PRUNE2: variants seen among roughly 807,000 people sequenced by gnomAD.
The protein encoded by PRUNE2 is protein prune homolog 2.
PRUNE2 carries 164 observed loss-of-function variants against 252.0 expected under a neutral mutation model. The ratio of observed to expected loss-of-function variants is 0.65; its 90% CI spans 0.57 to 0.74. PRUNE2 has a LOEUF of 0.74. Ranked by LOEUF, PRUNE2 falls within the 30% of genes least tolerant of loss-of-function variation. The pLI is 0.00. For synonymous variants in PRUNE2, 1,292 were observed against 1,350.2 expected, an observed-to-expected ratio of 0.96 and a Z score of 0.94; for missense variants, 3,495 against 3,711.0, an observed-to-expected ratio of 0.94 and a Z score of 1.51.
At chr9:76,833,055 T>C (rs2058752404) in intron 4 of PRUNE2, among the ~76,000 whole-genome samples, 1 of 152,148 alleles carries the variant, frequency 6.6e-6, no homozygotes, top group South Asian at 2.1e-4. Context: ...ATTTAAGAAA[T>C]GTTAATTTTA....
At chr9:76,823,116 G>A (rs11145085) in intron 6 of PRUNE2, 51,265 of 152,130 alleles carry the variant, frequency 0.34, 8,727 homozygotes, top group Middle Eastern at 0.41. Context: ...AGTAGCATTC[G>A]CTCTGAGCCA....
At chr9:76,727,709 G>GATTT (rs1204168069) in intron 6 of PRUNE2, among the ~76,000 whole-genome samples, 1 of 72,068 alleles carries the variant, frequency 1.4e-5, no homozygotes, top group African/African-American at 4.7e-5. Context: ...GGTAAACAGG[G>GATTT]CTTTTTTTTT....
At chr9:76,828,716 T>C (rs2058488085) in intron 4 of PRUNE2, among the ~76,000 whole-genome samples, 1 of 152,178 alleles carries the variant, frequency 6.6e-6, no homozygotes, top group Non-Finnish European at 1.5e-5. Context: ...AAACTCATAC[T>C]ATAAAGATTA....
chr9:76,664,445 C>T (rs2039735481), intron 9 of PRUNE2, among the ~76,000 whole-genome samples: 1 of 152,220 alleles, frequency 6.6e-6, no homozygotes, highest in Non-Finnish European at 1.5e-5. Context: ...CTAATACACT[C>T]TTGAATTCCT....
At chr9:76,619,161 G>A (rs1040038590) in intron 18 of PRUNE2, among the ~76,000 whole-genome samples, 179 bp downstream of exon 18, 3 of 152,170 alleles carry the variant, frequency 2.0e-5, no homozygotes, top group Non-Finnish European at 2.9e-5. Flanking sequence ...AGGGGTGATC[G>A]TGAATGAAAT....
chr9:76,649,393 T>C (rs984561116), intron 11 of PRUNE2, among the ~76,000 whole-genome samples: 1 of 152,152 alleles, frequency 6.6e-6, no homozygotes, highest in Admixed American at 6.5e-5. Flanking sequence ...GAGACCAGCC[T>C]GGGAAACGTG....
intron 6 of PRUNE2, among the ~76,000 whole-genome samples, chr9:76,793,049 T>C (rs754101527): frequency 7.9e-5 from 12 of 152,238 alleles, no homozygotes; most frequent in Non-Finnish European, 1.3e-4. Context: ...AAAGTGCCAG[T>C]ATAAGGAATC....
chr9:76,829,705 C>G (rs938290336), intron 4 of PRUNE2, among the ~76,000 whole-genome samples: 2 of 151,640 alleles, frequency 1.3e-5, no homozygotes, highest in African/African-American at 4.8e-5. Context: ...TCCTGAGGAC[C>G]GAAATCCTGA....
intron 9 of PRUNE2, among the ~76,000 whole-genome samples, chr9:76,685,324 C>T (rs1358819430): frequency 6.6e-6 from 1 of 152,138 alleles, no homozygotes; most frequent in Non-Finnish European, 1.5e-5. Flanking sequence ...CACTGAAGTA[C>T]AATAAACGGT....
chr9:76,652,562 G>T lies in PRUNE2; in HGVS notation c.8478C>A (p.Asp2826Glu), dbSNP rs753193313. 3.1e-6 allele frequency: 5 copies of T among 1,613,186 alleles called. No individual in the cohort carries two copies. The highest frequency in any genetic ancestry group is 4.2e-6 in the Non-Finnish European group (5 of 1,179,244). The change falls in exon 11 of 19, where the codon GAC becomes GAA. Residue 2826 changes from aspartate to glutamate, a missense_variant. Physicochemically the swap from Asp to Glu is conservative, Grantham distance 45. Transcript: ENST00000376718. ...EGSILSDDNL[D>E]SPDEIDINVD... ...CATTGATGTCAATTTCATCTGGACT[G>T]TCCAAGTTATCATCAGAGAGAATAG...
chr9:76,659,782 G>A (rs533772052), intron 9 of PRUNE2, among the ~76,000 whole-genome samples: 1 of 150,668 alleles, frequency 6.6e-6, no homozygotes, highest in African/African-American at 2.4e-5. Flanking sequence ...TTCAGACTAG[G>A]GATACTCAAC....
At chr9:76,749,625 G>C (rs1490349775) in intron 6 of PRUNE2, among the ~76,000 whole-genome samples, 2 of 152,184 alleles carry the variant, frequency 1.3e-5, no homozygotes, top group Non-Finnish European at 2.9e-5. Context: ...TTGGCACCCT[G>C]CAAATAAATG....
At chr9:76,624,870 A>T (rs1833989827) in intron 16 of PRUNE2, among the ~76,000 whole-genome samples, 1 of 152,206 alleles carries the variant, frequency 6.6e-6, no homozygotes, top group Admixed American at 6.5e-5. Context: ...GGTTGACCTC[A>T]ACAGCTTTAC....
intron 6 of PRUNE2, among the ~76,000 whole-genome samples, chr9:76,755,523 C>A (rs1465509194): frequency 6.6e-6 from 1 of 151,966 alleles, no homozygotes; most frequent in Admixed American, 6.6e-5. Context: ...GGGGTGTGGA[C>A]AAAGAACGCT....
chr9:76,696,171 A>G (rs2045363874), intron 9 of PRUNE2, among the ~76,000 whole-genome samples: 1 of 152,158 alleles, frequency 6.6e-6, no homozygotes, highest in Non-Finnish European at 1.5e-5. Flanking sequence ...ACAAAGGGTT[A>G]CCCAATCCTG....
chr9:76,650,231 GTA>G (rs1328393693), intron 11 of PRUNE2, among the ~76,000 whole-genome samples: 5 of 149,270 alleles, frequency 3.3e-5, no homozygotes, highest in Non-Finnish European at 7.4e-5. Context: ...ATATAATGAG[GTA>G]TATAATATAC....
In PRUNE2 at chr9:76,652,629, G is replaced by A; in HGVS notation, c.8411C>T (p.Thr2804Ile). The change falls in exon 11 of 19, where the codon ACA becomes ATA. Residue 2804 changes from threonine to isoleucine, a missense_variant. Coordinates refer to ENST00000376718, the MANE Select transcript of PRUNE2 (RefSeq NM_015225.3). Reference protein sequence around the residue: ...NDTHPRRIKLTAPNINLSLDQ... With the variant: ...NDTHPRRIKLIAPNINLSLDQ... ...CAGAGAAAGATTGATATTTGGGGCT[G>A]TGAGCTTGATTCTCCGAGGATGAGT... 1 of 1,613,154 alleles carries A rather than the reference G, an allele frequency of 6.2e-7. No homozygotes were observed. The highest frequency in any genetic ancestry group is 1.1e-5 in the South Asian group (1 of 91,054).
At chr9:76,856,145 T>A (rs991871882) in intron 1 of PRUNE2, among the ~76,000 whole-genome samples, 1 of 152,188 alleles carries the variant, frequency 6.6e-6, no homozygotes, top group Non-Finnish European at 1.5e-5. Flanking sequence ...GCAGCACTTT[T>A]TATAGGTCAG....
intron 2 of PRUNE2, among the ~76,000 whole-genome samples, chr9:76,852,770 A>G (rs1453971794): frequency 6.6e-6 from 1 of 152,086 alleles, no homozygotes; most frequent in African/African-American, 2.4e-5. Flanking sequence ...GAGAATCCAC[A>G]TGTCTTTTTA....
Sources: gnomAD v4.1 joint callset for allele counts (sites outside exome capture counted in the v4.1 genomes callset) on GRCh38, gnomAD v4.1.1 for gene constraint, MANE v1.5 for transcripts, NCBI Gene and HGNC (gene_info 2026-07-23, HGNC 2026-07-21) for gene names.